Variants in MFSD1 observed in about 807,000 individuals in gnomAD.
The protein encoded by MFSD1 is lysosomal dipeptide transporter MFSD1.
A neutral mutation model predicts 67.1 loss-of-function variants in MFSD1; 59 were observed. That is an observed-to-expected ratio of 0.88 (90% CI 0.71 to 1.09). The LOEUF is 1.09. Ranked by LOEUF, MFSD1 falls within the 50% of genes least tolerant of loss-of-function variation. MFSD1 has a pLI of 0.00. For missense variants in MFSD1, 552 were observed against 566.1 expected, an observed-to-expected ratio of 0.97 and a Z score of 0.25; for synonymous variants, 213 against 200.3, an observed-to-expected ratio of 1.06 and a Z score of -0.54.
At chr3:158,827,938 GAGA>G (rs1731084288) in intron 15 of MFSD1, among the ~76,000 whole-genome samples, 2 of 31,364 alleles carry the variant, frequency 6.4e-5, no homozygotes, top group Admixed American at 3.4e-4. Flanking sequence ...GAGAGAGAGA[GAGA>G]GGGGGAGAGA....
At position 158,813,957 on chromosome 3, in the gene MFSD1, TCA is replaced by T; in HGVS notation, c.550-7_550-6del. The T allele has an allele frequency of 6.3e-7, 1 of 1,582,430 alleles. No homozygotes were observed. Among genetic ancestry groups the T allele is most frequent in the African/African-American group, 1.4e-5 (1 of 73,962 alleles). ...AATGCTGTTGTTTTTTTTTCCCTTC[TCA>T]TTTAGGGAAGTACAGTAAACATGAA... is the stretch of plus-strand genomic sequence containing the variant. On this transcript the variant is annotated splice_polypyrimidine_tract_variant and splice_region_variant and intron_variant, in intron 6 of 15. Coordinates refer to ENST00000415822, the MANE Select transcript of MFSD1 (RefSeq NM_022736.4).
intron 14 of MFSD1, 66 bp downstream of exon 14, chr3:158,826,128 T>C: frequency 2.2e-6 from 3 of 1,378,062 alleles, no homozygotes; most frequent in Non-Finnish European, 3.1e-6. Context: ...TCTCTGGGTC[T>C]GCCTCTTTGG....
At chr3:158,818,550 C>T (rs1160269687) in intron 7 of MFSD1, among the ~76,000 whole-genome samples, 1 of 152,128 alleles carries the variant, frequency 6.6e-6, no homozygotes, top group African/African-American at 2.4e-5. Context: ...CTGATCTACT[C>T]ACTACTTCTA....
chr3:158,827,419 A>ATTT, intron 15 of MFSD1, 82 bp downstream of exon 15: 14 of 662,862 alleles, frequency 2.1e-5, no homozygotes, highest in Non-Finnish European at 2.8e-5. Context: ...TGGGCTTTGA[A>ATTT]GTTTTTTTTT....
At chr3:158,806,967 C>A in intron 3 of MFSD1, 73 bp from the exon 4 acceptor site, 1 of 1,282,802 alleles carries the variant, frequency 7.8e-7, no homozygotes, top group Non-Finnish European at 1.1e-6. Flanking sequence ...ATTACTAATA[C>A]TAATGTAAAC....
intron 14 of MFSD1, among the ~76,000 whole-genome samples, chr3:158,826,296 A>G (rs1481539935): frequency 1.3e-5 from 2 of 152,176 alleles, no homozygotes; most frequent in Non-Finnish European, 2.9e-5. Context: ...TAATAATATA[A>G]AATCTTAGAT....
intron 11 of MFSD1, 140 bp from the exon 12 acceptor site, chr3:158,823,288 C>T (rs41272627): frequency 0.089 from 58,188 of 651,290 alleles, 2,870 homozygotes; most frequent in Non-Finnish European, 0.094. Flanking sequence ...ATTTTGAATA[C>T]GAATTTTAGC....
In MFSD1 at chr3:158,829,002, C is replaced by T; in HGVS notation, c.*20C>T. 6.2e-7 allele frequency: 1 copy of T among 1,603,552 alleles called. No homozygotes were observed. Among genetic ancestry groups the T allele is most frequent in the Non-Finnish European group, 8.5e-7 (1 of 1,174,934 alleles). ...AGATGAGAAGTTAAAATGAATGTGT[C>T]ATGAGAATGGGCTTAACACATCGTT... On this transcript the variant is annotated 3_prime_UTR_variant, in exon 16 of 16. Coordinates refer to ENST00000415822, the MANE Select transcript of MFSD1 (RefSeq NM_022736.4).
chr3:158,809,636 A>T (rs566533430), intron 6 of MFSD1, among the ~76,000 whole-genome samples: 46 of 152,238 alleles, frequency 3.0e-4, no homozygotes, highest in African/African-American at 1.1e-3. Context: ...ATTTCCAGGG[A>T]TTGCAAGCTT....
chr3:158,827,067 T>C (rs1167703198), intron 14 of MFSD1, among the ~76,000 whole-genome samples: 1 of 152,224 alleles, frequency 6.6e-6, no homozygotes, highest in Non-Finnish European at 1.5e-5. Context: ...ATGCTTAAAT[T>C]AAGGGGTGAT....
At chr3:158,825,666 C>T (rs983704737) in intron 13 of MFSD1, among the ~76,000 whole-genome samples, 7 of 152,078 alleles carry the variant, frequency 4.6e-5, no homozygotes, top group Admixed American at 1.3e-4. Context: ...GATAAACAAT[C>T]GGGGGCTGGC....
intron 7 of MFSD1, among the ~76,000 whole-genome samples, chr3:158,815,621 T>C (rs1376832264): frequency 6.6e-6 from 1 of 152,006 alleles, no homozygotes; most frequent in Non-Finnish European, 1.5e-5. Context: ...TATTTCCTTG[T>C]ACTTTTCAAG....
At chr3:158,821,711 T>A in intron 10 of MFSD1, 58 bp downstream of exon 10, 1 of 1,382,388 alleles carries the variant, frequency 7.2e-7, no homozygotes, top group Non-Finnish European at 1.0e-6. Flanking sequence ...GTCTTTATAA[T>A]CAAATGTTAA....
At position 158,805,420 on chromosome 3, in the gene MFSD1, A is replaced by G. The variant is rs988040605; in HGVS notation, c.275A>G (p.Asn92Ser). ...CTGTATGCCTGGTATTCTTGGCCCAATGTAGTTTTGTGTTTCTTTGGTGGC... is the reference window on the plus strand; with the variant it reads ...CTGTATGCCTGGTATTCTTGGCCCAGTGTAGTTTTGTGTTTCTTTGGTGGC... Reference protein sequence around the residue: ...MLLYAWYSWPNVVLCFFGGFL... With the variant: ...MLLYAWYSWPSVVLCFFGGFL... The change falls in exon 3 of 16, where the codon AAT (asparagine) becomes AGT (serine). Residue 92 changes from asparagine (N) to serine (S), a missense_variant. By Grantham distance (46) the Asn-to-Ser change is conservative. Transcript: ENST00000415822. 3.1e-6 allele frequency: 5 copies of G among 1,614,076 alleles called. No homozygotes were observed. The highest frequency in any genetic ancestry group is 2.5e-6 in the Non-Finnish European group (3 of 1,179,970).
At position 158,809,219 on chromosome 3, in the gene MFSD1, G is replaced by A. The variant is rs371609366; in HGVS notation, c.481G>A (p.Ala161Thr). The change falls in exon 6 of 16, where the codon GCT (alanine) becomes ACT (threonine). Residue 161 changes from alanine to threonine, a missense_variant. Transcript: ENST00000415822. ...ESLAVAQNTYAVSWFKGKELN... is the reference protein window; with the variant it reads ...ESLAVAQNTYTVSWFKGKELN... ...CTTAGCAGTTGCCCAGAATACATATGCTGTGAGCTGGTTTAAAGGCAAAGA... is the reference window on the plus strand; with the variant it reads ...CTTAGCAGTTGCCCAGAATACATATACTGTGAGCTGGTTTAAAGGCAAAGA... The A allele has an allele frequency of 3.7e-5, 59 of 1,594,062 alleles. No individual in the cohort carries two copies. The highest frequency in any genetic ancestry group is 1.4e-4 in the African/African-American group (10 of 73,056).
intron 7 of MFSD1, among the ~76,000 whole-genome samples, chr3:158,814,670 C>A (rs576079762): frequency 5.0e-4 from 76 of 152,218 alleles, no homozygotes; most frequent in Non-Finnish European, 8.2e-4. Context: ...ACAAAGAGAT[C>A]ATGTAAATAA....
At chr3:158,807,599 A>G (rs1238426838) in intron 5 of MFSD1, 136 bp downstream of exon 5, 1 of 681,802 alleles carries the variant, frequency 1.5e-6, no homozygotes, top group Non-Finnish European at 2.5e-6. Context: ...GCATAAGAGT[A>G]TTTCTTAGTT....
In MFSD1 at chr3:158,805,444, G is replaced by A. The variant is rs1269653875; in HGVS notation, c.299G>A (p.Gly100Asp). 1.2e-6 allele frequency: 2 copies of A among 1,613,878 alleles called. No individual in the cohort carries two copies. The highest frequency in any genetic ancestry group is 8.5e-7 in the Non-Finnish European group (1 of 1,179,812). The change falls in exon 3 of 16, where the codon GGC becomes GAC. Residue 100 changes from glycine to aspartate, a missense_variant. Physicochemically the swap from Gly to Asp is moderately conservative, Grantham distance 94. Coordinates refer to ENST00000415822, the MANE Select transcript of MFSD1 (RefSeq NM_022736.4). ...WPNVVLCFFG[G>D]FLIDRVFGIR... ...AATGTAGTTTTGTGTTTCTTTGGTG[G>A]CTTTTTGATAGACCGAGTATTTGGA... is the stretch of plus-strand genomic sequence containing the variant.
At position 158,812,400 on chromosome 3, in the gene MFSD1, G is replaced by A. The variant is rs180694098; in HGVS notation, c.550-1565G>A. 2.0e-5 allele frequency among the ~76,000 whole-genome samples: 3 copies of A among 152,230 alleles called. No homozygotes were observed. The East Asian group carries it at 5.8e-4, about 29-fold the overall frequency. On this transcript the variant is annotated intron_variant, in intron 6 of 15. Coordinates refer to ENST00000415822, the MANE Select transcript of MFSD1 (RefSeq NM_022736.4). Reference sequence around the variant, plus strand: ...ATAAATCAGATAAAAGTTGAGCAGCGTTGGCTGAAACTGAGGTGGCTGCCT... The same window carrying A: ...ATAAATCAGATAAAAGTTGAGCAGCATTGGCTGAAACTGAGGTGGCTGCCT...
Sources: gnomAD v4.1 joint callset for allele counts (sites outside exome capture counted in the v4.1 genomes callset) on GRCh38, gnomAD v4.1.1 for gene constraint, MANE v1.5 for transcripts, NCBI Gene and HGNC (gene_info 2026-07-23, HGNC 2026-07-21) for gene names.